PDE7B: variants seen among roughly 807,000 people sequenced by gnomAD.
PDE7B encodes the protein 3',5'-cyclic-AMP phosphodiesterase 7B.
A neutral mutation model predicts 56.2 loss-of-function variants in PDE7B; 29 were observed. The ratio of observed to expected loss-of-function variants is 0.52; its 90% CI spans 0.38 to 0.70. The LOEUF is 0.70. Among genes scored for constraint, PDE7B ranks in the 30% least tolerant of loss-of-function variants. PDE7B has a pLI of 0.00. For missense variants in PDE7B, 490 were observed against 565.0 expected, an observed-to-expected ratio of 0.87 and a Z score of 1.35; for synonymous variants, 197 against 196.9, an observed-to-expected ratio of 1.00 and a Z score of 0.00.
intron 1 of PDE7B, among the ~76,000 whole-genome samples, chr6:135,852,986 G>T (rs1197351724): frequency 6.6e-6 from 1 of 152,206 alleles, no homozygotes; most frequent in African/African-American, 2.4e-5. Flanking sequence ...GTTGTTTTCA[G>T]TGGCACATTA....
intron 10 of PDE7B, among the ~76,000 whole-genome samples, chr6:136,179,754 C>T (rs953696963): frequency 6.6e-6 from 1 of 152,156 alleles, no homozygotes; most frequent in Non-Finnish European, 1.5e-5. Context: ...ACCTATTTAA[C>T]CTGCTTTATT....
chr6:135,897,770 T>C (rs992747934), intron 1 of PDE7B, among the ~76,000 whole-genome samples: 1 of 152,194 alleles, frequency 6.6e-6, no homozygotes, highest in African/African-American at 2.4e-5. Context: ...TTCAGTACCA[T>C]GACTTACCAG....
intron 8 of PDE7B, among the ~76,000 whole-genome samples, chr6:136,171,108 G>A (rs1284846878): frequency 6.6e-6 from 1 of 152,124 alleles, no homozygotes; most frequent in East Asian, 1.9e-4. Flanking sequence ...CAGACATAAT[G>A]TTTCCTAATT....
At position 136,095,113 on chromosome 6, in the gene PDE7B, C is replaced by T. The variant is rs148478664; in HGVS notation, c.83-13618C>T. Among the ~76,000 whole-genome samples the T allele has an allele frequency of 9.5e-3, 1,445 of 152,196 alleles. 29 individuals are homozygous for T. The highest frequency in any genetic ancestry group is 0.031 in the African/African-American group (1,302 of 41,530). ...TTCAGTACACATTAACATACTGAAG[C>T]GTCTGAGAAATTCTACAATTAAAAA... On this transcript the variant is annotated intron_variant, in intron 2 of 12. Coordinates refer to ENST00000308191, the MANE Select transcript of PDE7B (RefSeq NM_018945.4).
chr6:136,083,441 G>A (rs1777237697), intron 2 of PDE7B, among the ~76,000 whole-genome samples: 1 of 152,134 alleles, frequency 6.6e-6, no homozygotes, highest in South Asian at 2.1e-4. Flanking sequence ...ACTCATTTTA[G>A]AGGGTGAATT....
chr6:135,980,646 A>G (rs1473578045), intron 2 of PDE7B, among the ~76,000 whole-genome samples: 8 of 152,140 alleles, frequency 5.3e-5, no homozygotes, highest in Admixed American at 5.2e-4. Context: ...CACTTCTCAA[A>G]AGACGACATT....
chr6:135,971,396 CT>C (rs963018694), intron 2 of PDE7B, among the ~76,000 whole-genome samples: 1 of 152,062 alleles, frequency 6.6e-6, no homozygotes, highest in Non-Finnish European at 1.5e-5. Flanking sequence ...GTTTATGGTG[CT>C]TTGTTACAGC....
intron 8 of PDE7B, among the ~76,000 whole-genome samples, chr6:136,170,728 ACT>A (rs1428060082): frequency 6.6e-6 from 1 of 151,802 alleles, no homozygotes; most frequent in Non-Finnish European, 1.5e-5. Context: ...ACTAGCGGAA[ACT>A]CTGTACGGAG....
rs1288334569 is a variant in PDE7B at position 136,109,261 on chromosome 6, C to T, written c.166+447C>T. ...GGCTGAGGTGAGAGAATAGCTTGAT[C>T]CCAGGAGGTCAAGGCTGCAGTGAGC... On this transcript the variant is annotated intron_variant, in intron 3 of 12. Coordinates refer to ENST00000308191, the MANE Select transcript of PDE7B (RefSeq NM_018945.4). Among the ~76,000 whole-genome samples, 5 of 152,134 alleles carry T rather than the reference C, an allele frequency of 3.3e-5. No individual in the cohort carries two copies. In the South Asian group the frequency reaches 6.2e-4, roughly 19 times the overall value.
At chr6:136,001,690 T>C (rs1775670649) in intron 2 of PDE7B, among the ~76,000 whole-genome samples, 1 of 152,118 alleles carries the variant, frequency 6.6e-6, no homozygotes, top group Non-Finnish European at 1.5e-5. Flanking sequence ...CCAAGAAATA[T>C]GGGACTATGT....
In PDE7B at chr6:136,139,328, C is replaced by A. The variant is rs189088276; in HGVS notation, c.167-8023C>A. 6.8e-4 allele frequency among the ~76,000 whole-genome samples: 104 copies of A among 152,262 alleles called. 2 individuals are homozygous for A. Among genetic ancestry groups the A allele is most frequent in the South Asian group, 4.2e-4 (2 of 4,814 alleles). ...CACTTTTTATGGCTGCATAGTATTCCGTGGTGTATATGTGCCACATTTTCT... is the reference window on the plus strand; with the variant it reads ...CACTTTTTATGGCTGCATAGTATTCAGTGGTGTATATGTGCCACATTTTCT... On this transcript the variant is annotated intron_variant, in intron 3 of 12. Coordinates refer to ENST00000308191, the MANE Select transcript of PDE7B (RefSeq NM_018945.4).
chr6:136,192,491 C>T lies in PDE7B; in HGVS notation c.*651C>T, dbSNP rs375193268. On this transcript the variant is annotated 3_prime_UTR_variant, in exon 13 of 13. Transcript: ENST00000308191. ...TTATTATGCCACTTTGGGGCAGAGA[C>T]TTGGCATCTTCGCAGTTTAAGAAAC... The T allele has an allele frequency of 9.2e-5, 14 of 152,462 alleles. No homozygotes were observed. The highest frequency in any genetic ancestry group is 3.4e-4 in the African/African-American group (14 of 41,430). The allele number at this position is 152,462 out of a possible 1,614,324, so 9.4% of individuals were successfully genotyped here.
chr6:135,906,363 T>G (rs1345950451), intron 1 of PDE7B, among the ~76,000 whole-genome samples: 1 of 152,242 alleles, frequency 6.6e-6, no homozygotes, highest in Non-Finnish European at 1.5e-5. Flanking sequence ...ATCTACTGGC[T>G]ATGATTTTAC....
At chr6:135,985,015 A>G (rs62429926) in intron 2 of PDE7B, among the ~76,000 whole-genome samples, 1 of 152,144 alleles carries the variant, frequency 6.6e-6, no homozygotes, top group African/African-American at 2.4e-5. Context: ...AACTTTCTAG[A>G]ACTGTTGGCA....
chr6:136,151,088 A>T (rs1325230373), intron 5 of PDE7B, 72 bp from the exon 6 acceptor site: 1 of 788,138 alleles, frequency 1.3e-6, no homozygotes, highest in African/African-American at 1.7e-5. Flanking sequence ...CAGAGACTTT[A>T]GGTCTTATTG....
intron 2 of PDE7B, chr6:136,049,511 AAAG>A (rs762880572): frequency 6.6e-6 from 1 of 152,108 alleles, no homozygotes; most frequent in Non-Finnish European, 1.5e-5. Context: ...GTAGTGTGTT[AAAG>A]TTACATCCTC....
chr6:135,893,542 G>A (rs1170517971), intron 1 of PDE7B, among the ~76,000 whole-genome samples: 2 of 152,100 alleles, frequency 1.3e-5, no homozygotes. Flanking sequence ...TGGAGAAATA[G>A]GAACACTTTT....
chr6:136,167,512 C>T (rs999945591), intron 8 of PDE7B, among the ~76,000 whole-genome samples: 3 of 152,168 alleles, frequency 2.0e-5, no homozygotes, highest in African/African-American at 7.2e-5. Flanking sequence ...ATGTGACTTG[C>T]TCCTCCTTGC....
At chr6:136,137,452 C>A (rs1583901562) in intron 3 of PDE7B, among the ~76,000 whole-genome samples, 1 of 152,112 alleles carries the variant, frequency 6.6e-6, no homozygotes, top group East Asian at 1.9e-4. Flanking sequence ...AGTTGGATCT[C>A]CACGGGTGCT....
Sources: gnomAD v4.1 joint callset for allele counts (sites outside exome capture counted in the v4.1 genomes callset) on GRCh38, gnomAD v4.1.1 for gene constraint, MANE v1.5 for transcripts, NCBI Gene and HGNC (gene_info 2026-07-23, HGNC 2026-07-21) for gene names.